The following MBD5 variants were observed in gnomAD, a reference collection of about 807,000 sequenced individuals.
MBD5 encodes the protein methyl-CpG binding domain protein 5.
MBD5 carries 13 observed loss-of-function variants against 117.3 expected under a neutral mutation model. That is an observed-to-expected ratio of 0.11 (90% CI 0.07 to 0.18). The LOEUF (loss-of-function observed/expected upper bound fraction) is 0.18. Ranked by LOEUF, MBD5 falls within the 10% of genes least tolerant of loss-of-function variation. MBD5 has a pLI of 1.00. For synonymous variants in MBD5, 727 were observed against 766.4 expected, an observed-to-expected ratio of 0.95 and a Z score of 0.85; for missense variants, 1,879 against 2,093.8, an observed-to-expected ratio of 0.90 and a Z score of 2.00.
intron 3 of MBD5, among the ~76,000 whole-genome samples, chr2:148,297,467 G>A (rs73965305): frequency 0.028 from 4,192 of 152,170 alleles, 99 homozygotes; most frequent in African/African-American, 0.058. Flanking sequence ...CTGTTATGCT[G>A]TTTGCTTCTA....
intron 12 of MBD5, among the ~76,000 whole-genome samples, chr2:148,503,706 A>T (rs1016293752): frequency 6.6e-6 from 1 of 152,224 alleles, no homozygotes; most frequent in African/African-American, 2.4e-5. Context: ...GCCGGATAAC[A>T]TCCCTCTAGA....
intron 3 of MBD5, among the ~76,000 whole-genome samples, chr2:148,337,131 C>T (rs564982925): frequency 5.9e-5 from 9 of 152,254 alleles, no homozygotes; most frequent in South Asian, 4.2e-4. Flanking sequence ...TCTTTGGTAC[C>T]CAGTGCTCAG....
intron 1 of MBD5, among the ~76,000 whole-genome samples, chr2:148,080,281 A>G (rs1400058511): frequency 6.6e-6 from 1 of 152,182 alleles, no homozygotes; most frequent in Non-Finnish European, 1.5e-5. Flanking sequence ...TAATCCTTCA[A>G]TAAAATTAGT....
Position 148,410,060 on chromosome 2 carries a change from A to G in MBD5, c.-556-48143A>G, listed in dbSNP as rs1705204542. ...GATTATTTCTTCAGACCTGGTGAAG[A>G]AGAACAATTGTTCTTCCAAAGGATA... On this transcript the variant is annotated intron_variant, in intron 4 of 13. Transcript: ENST00000642680. Among the ~76,000 whole-genome samples, 3 of 152,142 alleles carry G rather than the reference A, an allele frequency of 2.0e-5. No individual in the cohort carries two copies. In the South Asian group the frequency reaches 6.2e-4, roughly 32 times the overall value.
At chr2:148,296,221 T>C in intron 3 of MBD5, 1 of 193,824 alleles carries the variant, frequency 5.2e-6, no homozygotes, top group Non-Finnish European at 1.1e-5. Context: ...GACCATTTTG[T>C]TTATCCTGCC....
At chr2:148,485,570 T>G in intron 9 of MBD5, 172 bp from the exon 10 acceptor site, 1 of 612,292 alleles carries the variant, frequency 1.6e-6, no homozygotes, top group Non-Finnish European at 2.9e-6. Flanking sequence ...AACTAAATAA[T>G]AAAGCTACTC....
chr2:148,368,000 C>T (rs1255485760), intron 4 of MBD5, among the ~76,000 whole-genome samples: 1 of 152,150 alleles, frequency 6.6e-6, no homozygotes. Context: ...GATTATAAAT[C>T]ATTCTACTAT....
At chr2:148,026,462 A>G (rs560812410) in intron 1 of MBD5, 2 of 152,300 alleles carry the variant, frequency 1.3e-5, no homozygotes, top group South Asian at 4.1e-4. Context: ...TTTTCTTTGT[A>G]TGGCAAAAAT....
In MBD5 at chr2:148,484,081, A is replaced by G. The variant is rs1162717173; in HGVS notation, c.3490A>G (p.Ser1164Gly). Residue 1164 changes from serine to glycine, a missense_variant, in exon 9 of 14, where the codon AGT becomes GGT. Physicochemically the swap from Ser to Gly is moderately conservative, Grantham distance 56. Coordinates refer to ENST00000642680, the MANE Select transcript of MBD5 (RefSeq NM_001378120.1). Reference protein sequence around the residue: ...GNTPGPAKLNSNSVVPQLLNP... With the variant: ...GNTPGPAKLNGNSVVPQLLNP... ...TACACCTGGTCCAGCTAAACTCAAC[A>G]GTAACTCTGTGGTGCCACAGCTACT... 10 of 1,544,716 alleles carry G rather than the reference A, an allele frequency of 6.5e-6. No individual in the cohort carries two copies. The highest frequency in any genetic ancestry group is 2.4e-5 in the East Asian group (1 of 40,916).
chr2:148,219,795 A>G (rs771690866), intron 2 of MBD5, among the ~76,000 whole-genome samples: 5 of 152,224 alleles, frequency 3.3e-5, no homozygotes, highest in Non-Finnish European at 5.9e-5. Context: ...ACAAAGCTAT[A>G]GTAACATTTA....
chr2:148,033,629 A>G (rs2105608355), intron 1 of MBD5, among the ~76,000 whole-genome samples: 1 of 152,350 alleles, frequency 6.6e-6, no homozygotes, highest in South Asian at 2.1e-4. Context: ...AGAAGAAAAT[A>G]TCACAAAGAT....
chr2:148,105,212 C>T (rs987779628), intron 1 of MBD5, among the ~76,000 whole-genome samples: 2 of 115,822 alleles, frequency 1.7e-5, no homozygotes, highest in African/African-American at 3.1e-5. Flanking sequence ...TAGATTATAA[C>T]GTTTCTTTCT....
At chr2:148,324,287 G>C (rs1356281342) in intron 3 of MBD5, among the ~76,000 whole-genome samples, 1 of 152,138 alleles carries the variant, frequency 6.6e-6, no homozygotes, top group Non-Finnish European at 1.5e-5. Flanking sequence ...GATGCCTCTA[G>C]CTTTGTTCTT....
At chr2:148,390,624 G>A (rs1704544895) in intron 4 of MBD5, among the ~76,000 whole-genome samples, 1 of 151,398 alleles carries the variant, frequency 6.6e-6, no homozygotes, top group Non-Finnish European at 1.5e-5. Context: ...CGCCCAGGCT[G>A]GAGTATAATG....
intron 3 of MBD5, among the ~76,000 whole-genome samples, chr2:148,283,821 T>C (rs988074186): frequency 3.9e-5 from 6 of 152,318 alleles, no homozygotes; most frequent in Non-Finnish European, 5.9e-5. Flanking sequence ...CACACAAACA[T>C]AGCTACACTC....
At chr2:148,034,179 A>T (rs528132779) in intron 1 of MBD5, among the ~76,000 whole-genome samples, 4 of 152,206 alleles carry the variant, frequency 2.6e-5, no homozygotes, top group African/African-American at 9.6e-5. Context: ...TGGGTGACAC[A>T]GTAAGACCCT....
intron 2 of MBD5, among the ~76,000 whole-genome samples, chr2:148,185,863 G>GT (rs1698644106): frequency 6.6e-6 from 1 of 152,132 alleles, no homozygotes; most frequent in Admixed American, 6.5e-5. Flanking sequence ...TTTTCTCTTG[G>GT]TTTTAGGTCA....
intron 2 of MBD5, among the ~76,000 whole-genome samples, chr2:148,217,051 A>G (rs768282375): frequency 2.7e-4 from 41 of 152,348 alleles, no homozygotes; most frequent in Admixed American, 6.5e-4. Context: ...ACATTCAACA[A>G]CATAAGCATA....
chr2:148,466,924 A>G (rs72861116), intron 7 of MBD5, among the ~76,000 whole-genome samples: 1,677 of 152,314 alleles, frequency 0.011, 15 homozygotes, highest in Non-Finnish European at 0.018. Flanking sequence ...TTTGACCTGT[A>G]TAGTGTCTAG....
Sources: gnomAD v4.1 joint callset for allele counts (sites outside exome capture counted in the v4.1 genomes callset) on GRCh38, gnomAD v4.1.1 for gene constraint, MANE v1.5 for transcripts, NCBI Gene and HGNC (gene_info 2026-07-23, HGNC 2026-07-21) for gene names.